ICE1: variants seen among roughly 807,000 people sequenced by gnomAD.
The protein encoded by ICE1 is interactor of little elongation complex ELL subunit 1.
A neutral mutation model predicts 192.7 loss-of-function variants in ICE1; 64 were observed. The ratio of observed to expected loss-of-function variants is 0.33; its 90% CI spans 0.27 to 0.41. The LOEUF (loss-of-function observed/expected upper bound fraction) is 0.41. ICE1 is among the 10% of genes least tolerant of loss of function. ICE1 has a pLI of 1.00. For missense variants in ICE1, 2,708 were observed against 2,696.0 expected, an observed-to-expected ratio of 1.00 and a Z score of -0.10; for synonymous variants, 1,010 against 984.5, an observed-to-expected ratio of 1.03 and a Z score of -0.49.
chr5:5,464,707 T>C lies in ICE1; in HGVS notation c.5373T>C (p.Ser1791=). The change falls in exon 13 of 19, where the codon AGT becomes AGC. Residue 1791 remains serine (S), a synonymous_variant. Coordinates refer to ENST00000296564, the MANE Select transcript of ICE1 (RefSeq NM_015325.3). This position sits in a 1 kb window ranked among gnomAD's most constrained non-coding sequence, Gnocchi z 4.0. ...ADCKNLPGPA[S]AMIGFKTITS... The stretch of plus-strand genomic sequence containing the variant: ...GTAAGAATTTACCGGGACCTGCCAG[T>C]GCTATGATAGGATTCAAAACGATCA... 2 of 1,613,902 alleles carry C rather than the reference T, an allele frequency of 1.2e-6. No individual in the cohort carries two copies. Among genetic ancestry groups the C allele is most frequent in the Non-Finnish European group, 1.7e-6 (2 of 1,179,876 alleles).
At chr5:5,478,656 A>T (rs1739410094) in intron 17 of ICE1, among the ~76,000 whole-genome samples, 1 of 152,234 alleles carries the variant, frequency 6.6e-6, no homozygotes. Flanking sequence ...TTGTAAGCAA[A>T]AAGAACAAAG....
chr5:5,471,013 AGG>A (rs1249057643), intron 15 of ICE1, among the ~76,000 whole-genome samples: 5 of 152,220 alleles, frequency 3.3e-5, no homozygotes, highest in African/African-American at 1.2e-4. Context: ...AAATATGACA[AGG>A]GAACCAGAGA....
chr5:5,473,731 G>A lies in ICE1; in HGVS notation c.6396G>A (p.Thr2132=), dbSNP rs780129201. 76 of 1,596,264 alleles carry A rather than the reference G, an allele frequency of 4.8e-5. 1 individual carries two copies. Among genetic ancestry groups the A allele is most frequent in the East Asian group, 9.0e-5 (4 of 44,586 alleles). Residue 2132 remains threonine (T), a synonymous_variant, in exon 16 of 19, where the codon ACG becomes ACA. Coordinates refer to ENST00000296564, the MANE Select transcript of ICE1 (RefSeq NM_015325.3). ...GCTGCCATCAGAAATGGATCTGGAC[G>A]CATGATAACATCATAAGGTTAGTTA... ...LLCCHQKWIW[T]HDNIISKELW...
intron 1 of ICE1, among the ~76,000 whole-genome samples, chr5:5,434,343 T>C (rs1329001378): frequency 2.0e-5 from 3 of 152,206 alleles, no homozygotes; most frequent in Non-Finnish European, 4.4e-5. Flanking sequence ...AAATGAAATG[T>C]AGGCATGAGT....
Position 5,463,870 on chromosome 5 carries a change from T to C in ICE1, c.4536T>C (p.Asn1512=). ...ACTTTGATAAGAGTCGTTTGCGAAA[T>C]AGACCCGTTAAGCCTAGTATATGGA... ...STNFDKSRLR[N]RPVKPSIWIS... Residue 1512 remains asparagine, a synonymous_variant, in exon 13 of 19, where the codon AAT becomes AAC. Transcript: ENST00000296564. 6.2e-7 allele frequency: 1 copy of C among 1,613,826 alleles called. No individual in the cohort carries two copies. The highest frequency in any genetic ancestry group is 1.1e-5 in the South Asian group (1 of 91,064).
At position 5,428,680 on chromosome 5, in the gene ICE1, A is replaced by T. The variant is rs187555962; in HGVS notation, c.84+5681A>T. Among the ~76,000 whole-genome samples, 87 of 152,264 alleles carry T rather than the reference A, an allele frequency of 5.7e-4. 1 individual carries two copies. The highest frequency in any genetic ancestry group is 1.1e-3 in the Non-Finnish European group (72 of 68,016). On this transcript the variant is annotated intron_variant, in intron 1 of 18. Coordinates refer to ENST00000296564, the MANE Select transcript of ICE1 (RefSeq NM_015325.3). Reference sequence around the variant, plus strand: ...TAATTACCCTACACCCCTCCAAATCAGGATAGTAACATTGGTGCAGCTGTA... The same window carrying T: ...TAATTACCCTACACCCCTCCAAATCTGGATAGTAACATTGGTGCAGCTGTA...
chr5:5,476,099 AT>A lies in ICE1; in HGVS notation c.6520+22del. ...TGATTGGTAAGTTGTCTGTTTTATT[AT>A]TGTTTTTTTCTTGTTATTGATATCT... On this transcript the variant is annotated intron_variant, in intron 17 of 18. Coordinates refer to ENST00000296564, the MANE Select transcript of ICE1 (RefSeq NM_015325.3). 1 of 1,433,238 alleles carries A rather than the reference AT, an allele frequency of 7.0e-7. No individual in the cohort carries two copies. The allele number at this position is 1,433,238 out of a possible 1,614,324, so 88.8% of individuals were successfully genotyped here. A position where few individuals can be genotyped will look rare whatever the true frequency, so the allele number is the denominator to read the frequency against.
intron 3 of ICE1, chr5:5,437,926 T>A (rs1261218208): frequency 1.3e-5 from 2 of 152,272 alleles, no homozygotes; most frequent in East Asian, 3.8e-4. Flanking sequence ...TGCTTCAATA[T>A]GATTTATGTC....
At position 5,461,891 on chromosome 5, in the gene ICE1, G is replaced by C. The variant is rs200574215; in HGVS notation, c.2557G>C (p.Val853Leu). 1 of 1,613,862 alleles carries C rather than the reference G, an allele frequency of 6.2e-7. No individual in the cohort carries two copies. The highest frequency in any genetic ancestry group is 1.1e-5 in the South Asian group (1 of 91,080). The change falls in exon 13 of 19, where the codon GTG becomes CTG. Residue 853 changes from valine to leucine, a missense_variant. By Grantham distance (32) the Val-to-Leu change is conservative. Coordinates refer to ENST00000296564, the MANE Select transcript of ICE1 (RefSeq NM_015325.3). ...NPVEFKTTAS[V>L]LPNQVSVITK... is the part of the protein sequence containing the mutation. ...TGTAGAATTCAAGACCACTGCATCGGTGTTGCCTAATCAAGTATCAGTTAT... is the reference window on the plus strand; with the variant it reads ...TGTAGAATTCAAGACCACTGCATCGCTGTTGCCTAATCAAGTATCAGTTAT...
intron 17 of ICE1, among the ~76,000 whole-genome samples, chr5:5,485,617 G>A (rs903878580): frequency 1.4e-4 from 21 of 152,138 alleles, no homozygotes; most frequent in Non-Finnish European, 2.5e-4. Flanking sequence ...TTTATACCTT[G>A]TTACACTAAA....
At chr5:5,470,436 T>G (rs1227848663) in intron 15 of ICE1, among the ~76,000 whole-genome samples, 1 of 152,224 alleles carries the variant, frequency 6.6e-6, no homozygotes, top group Non-Finnish European at 1.5e-5. Flanking sequence ...AACATAACAT[T>G]TTAGTAAATG....
intron 8 of ICE1, 76 bp from the exon 9 acceptor site, chr5:5,447,645 C>T: frequency 7.0e-7 from 1 of 1,424,422 alleles, no homozygotes; most frequent in Non-Finnish European, 9.7e-7. Context: ...TGTTAAGTTG[C>T]ACCTGTTTTA....
In ICE1 at chr5:5,437,119, C is replaced by A; in HGVS notation, c.178+5C>A. 6.5e-7 allele frequency: 1 copy of A among 1,533,670 alleles called. No individual in the cohort carries two copies. Among genetic ancestry groups the A allele is most frequent in the Non-Finnish European group, 8.9e-7 (1 of 1,125,426 alleles). ...AATATCAGAAGAAATGTGATGATAT[C>A]CTTTTACTGGCTTTTTCTGTTGAGT... On this transcript the variant is annotated splice_donor_5th_base_variant and intron_variant, in intron 3 of 18. Transcript: ENST00000296564.
Position 5,422,728 on chromosome 5 carries a change from T to C in ICE1, c.-188T>C. 1 of 367,698 alleles carries C rather than the reference T, an allele frequency of 2.7e-6. No individual in the cohort carries two copies. The highest frequency in any genetic ancestry group is 4.7e-5 in the Admixed American group (1 of 21,404). The allele number at this position is 367,698 out of a possible 1,614,324, so 22.8% of individuals were successfully genotyped here. A position where few individuals can be genotyped will look rare whatever the true frequency, so the allele number is the denominator to read the frequency against. ...CCGGGTAGCGTTTCTTTTTAGTGCC[T>C]GAGGCAGCTCTGGCTCGGAGAGCCT... On this transcript the variant is annotated 5_prime_UTR_variant, in exon 1 of 19. Coordinates refer to ENST00000296564, the MANE Select transcript of ICE1 (RefSeq NM_015325.3).
intron 8 of ICE1, 30 bp from the exon 9 acceptor site, chr5:5,447,691 A>C (rs568474928): frequency 6.5e-7 from 1 of 1,546,688 alleles, no homozygotes; most frequent in Non-Finnish European, 8.8e-7. Context: ...CTTATTCAGC[A>C]TAAACACTAT....
chr5:5,449,830 A>AT (rs1471155408), intron 10 of ICE1, among the ~76,000 whole-genome samples: 1 of 152,202 alleles, frequency 6.6e-6, no homozygotes, highest in Admixed American at 6.5e-5. Context: ...GTGGGCGTGG[A>AT]TATCAGAAAA....
intron 12 of ICE1, among the ~76,000 whole-genome samples, chr5:5,458,655 A>C (rs1193160362): frequency 6.6e-6 from 1 of 152,176 alleles, no homozygotes; most frequent in Non-Finnish European, 1.5e-5. Flanking sequence ...TGGTAGATTC[A>C]TGCAGGTGAC....
At position 5,486,657 on chromosome 5, in the gene ICE1, A is replaced by C. The variant is rs954797886; in HGVS notation, c.6521-64A>C. On this transcript the variant is annotated intron_variant, in intron 17 of 18. Transcript: ENST00000296564. ...CTCTTGTAAGAGAAGTGGACCTTTA[A>C]ATTCTTAGGAAAAGTTAATCAACAT... 3 of 1,157,296 alleles carry C rather than the reference A, an allele frequency of 2.6e-6. No individual in the cohort carries two copies. In the African/African-American group the frequency reaches 4.6e-5, roughly 18 times the overall value. 71.7% of individuals were successfully genotyped at this position (1,157,296 alleles called of 1,614,324 possible). A position where few individuals can be genotyped will look rare whatever the true frequency, so the allele number is the denominator to read the frequency against.
At chr5:5,487,890 A>T (rs1739674563) in intron 18 of ICE1, among the ~76,000 whole-genome samples, 1 of 152,176 alleles carries the variant, frequency 6.6e-6, no homozygotes, top group Non-Finnish European at 1.5e-5. Flanking sequence ...ATCTGAGTGG[A>T]TGGCATTGTC....
Sources: allele counts gnomAD v4.1 joint callset (sites outside exome capture counted in the v4.1 genomes callset), GRCh38; gene constraint gnomAD v4.1.1; non-coding constraint Gnocchi (gnomAD v3.1); transcripts MANE v1.5; gene names NCBI Gene and HGNC (gene_info 2026-07-23, HGNC 2026-07-21).